Variants in TNKS2 observed in about 807,000 individuals in gnomAD.
The protein encoded by TNKS2 is tankyrase 2, also known as poly [ADP-ribose] polymerase tankyrase-2.
Under a neutral mutation model 137.6 loss-of-function variants are expected in TNKS2, and 72 were observed. The observed-to-expected ratio is 0.52, with a 90% CI of 0.43 to 0.64. The LOEUF (loss-of-function observed/expected upper bound fraction) is 0.64. TNKS2 is among the 30% of genes least tolerant of loss of function. The pLI, the probability that TNKS2 is intolerant of heterozygous loss-of-function variation, is 0.00. For missense variants in TNKS2, 1,049 were observed against 1,410.2 expected (o/e 0.74, Z 4.10); for synonymous variants, 516 against 512.1 (o/e 1.01, Z -0.10).
intron 18 of TNKS2, among the ~76,000 whole-genome samples, chr10:91,847,259 T>G (rs577415058): frequency 6.4e-4 from 97 of 152,322 alleles, no homozygotes; most frequent in African/African-American, 2.3e-3. Flanking sequence ...TGCTGAACAT[T>G]AGTTGAACGT....
intron 11 of TNKS2, among the ~76,000 whole-genome samples, chr10:91,832,311 A>T (rs796749735): frequency 1.7e-4 from 26 of 152,208 alleles, no homozygotes; most frequent in African/African-American, 6.0e-4. Context: ...GAGTTGTGAC[A>T]CTCAATGAAA....
chr10:91,859,508 G>A lies in TNKS2; in HGVS notation c.3141G>A (p.Arg1047=), dbSNP rs1842797476. The change falls in exon 25 of 27, where the codon AGG becomes AGA. Residue 1047 remains arginine (R), a synonymous_variant. Transcript: ENST00000371627. The stretch of plus-strand genomic sequence containing the variant: ...TTATCCACAAAGGCTTTGATGAAAG[G>A]CATGCGTACATAGGTGGTATGTTTG... ...NAIIHKGFDE[R]HAYIGGMFGA... The A allele has an allele frequency of 1.9e-6, 3 of 1,612,984 alleles. No homozygotes were observed. The highest frequency in any genetic ancestry group is 1.7e-5 in the Admixed American group (1 of 59,898).
At chr10:91,827,340 T>C (rs1845100932) in intron 8 of TNKS2, 137 bp downstream of exon 8, 3 of 679,990 alleles carry the variant, frequency 4.4e-6, no homozygotes, top group Non-Finnish European at 6.4e-6. Context: ...TTGTTTAGCA[T>C]ATTTAATAAT....
chr10:91,854,169 T>A (rs1024386340), intron 21 of TNKS2, among the ~76,000 whole-genome samples: 2 of 152,178 alleles, frequency 1.3e-5, no homozygotes, highest in African/African-American at 4.8e-5. Flanking sequence ...TAAAATTACC[T>A]GAGGCTATGC....
chr10:91,809,360 T>C lies in TNKS2; in HGVS notation c.200-3623T>C, dbSNP rs141862523. Among the ~76,000 whole-genome samples, 72 of 152,264 alleles carry C rather than the reference T, an allele frequency of 4.7e-4. No homozygotes were observed. In the East Asian group the frequency reaches 0.014, roughly 29 times the overall value. On this transcript the variant is annotated intron_variant, in intron 1 of 26. Transcript: ENST00000371627. The stretch of plus-strand genomic sequence containing the variant: ...GGGTATACTATCCTAACCAAATCAG[T>C]CTTAATCTTAGCCCTTATCATCTGG...
intron 12 of TNKS2, among the ~76,000 whole-genome samples, chr10:91,835,176 T>C (rs181566984): frequency 2.0e-5 from 3 of 148,620 alleles, no homozygotes; most frequent in East Asian, 4.0e-4. Flanking sequence ...CTCCATTTCC[T>C]CTCTGCCTAC....
chr10:91,845,712 A>G (rs753679334), intron 17 of TNKS2, 40 bp from the exon 18 acceptor site: 1 of 1,392,374 alleles, frequency 7.2e-7, no homozygotes, highest in Non-Finnish European at 9.5e-7. Flanking sequence ...AAGTGTGACA[A>G]AATAATATTT....
chr10:91,798,853 G>T lies in TNKS2; in HGVS notation c.163G>T (p.Ala55Ser). 1.5e-6 allele frequency: 2 copies of T among 1,362,126 alleles called. No homozygotes were observed. The highest frequency in any genetic ancestry group is 1.5e-5 in the African/African-American group (1 of 66,392). 84.4% of individuals were successfully genotyped at this position (1,362,126 alleles called of 1,614,324 possible). A position where few individuals can be genotyped will look rare whatever the true frequency, so the allele number is the denominator to read the frequency against. Residue 55 changes from alanine (A) to serine (S), a missense_variant, in exon 1 of 27, where the codon GCG (alanine) becomes TCG (serine). By Grantham distance (99) the Ala-to-Ser change is moderately conservative. Around this residue, in one of 6 missense-constraint regions of TNKS2, gnomAD observed 374 missense variants for 460.8 expected, o/e 0.81. Coordinates refer to ENST00000371627, the MANE Select transcript of TNKS2 (RefSeq NM_025235.4). The stretch of plus-strand genomic sequence containing the variant: ...TGAGAAGGTGAACAGCCGCGACACG[G>T]CGGGCAGGAAATCCACCCCGCTGCA... ...TPEKVNSRDTAGRKSTPLHFA... is the reference protein window; with the variant it reads ...TPEKVNSRDTSGRKSTPLHFA...
chr10:91,833,619 A>G (rs995834002), intron 11 of TNKS2, among the ~76,000 whole-genome samples: 2 of 152,148 alleles, frequency 1.3e-5, no homozygotes, highest in East Asian at 1.9e-4. Flanking sequence ...GATAAACACA[A>G]TTACTATTCA....
chr10:91,860,123 T>C (rs996719688), intron 25 of TNKS2, among the ~76,000 whole-genome samples: 3 of 152,216 alleles, frequency 2.0e-5, no homozygotes, highest in Non-Finnish European at 4.4e-5. Flanking sequence ...ACATTGATCC[T>C]TTTTGAAAGG....
At chr10:91,819,149 C>T in intron 3 of TNKS2, 121 bp from the exon 4 acceptor site, 1 of 593,090 alleles carries the variant, frequency 1.7e-6, no homozygotes, top group Non-Finnish European at 2.8e-6. Context: ...GAACTATTTT[C>T]CATTTATTGG....
In TNKS2 at chr10:91,803,951, A is replaced by G. The variant is rs141061629; in HGVS notation, c.199+5062A>G. Among the ~76,000 whole-genome samples, 634 of 152,302 alleles carry G rather than the reference A, an allele frequency of 4.2e-3. 4 individuals carry two copies. The highest frequency in any genetic ancestry group is 0.014 in the African/African-American group (589 of 41,552). ...GGGATAGCATTTAGTTAAACTTCCT[A>G]AGAGTCTAAGTTGGTTTCTCTGTAG... On this transcript the variant is annotated intron_variant, in intron 1 of 26. Coordinates refer to ENST00000371627, the MANE Select transcript of TNKS2 (RefSeq NM_025235.4).
chr10:91,798,745 G>T lies in TNKS2; in HGVS notation c.55G>T (p.Glu19Ter). The change falls in exon 1 of 27, where the codon GAG becomes TAG. Residue 19 changes from glutamate (E) to a stop codon, truncating the protein, a stop_gained. Coordinates refer to ENST00000371627, the MANE Select transcript of TNKS2 (RefSeq NM_025235.4). LOFTEE classifies it high-confidence loss of function. ...AGCGGCCTGCGCGAGCGCCGCGGCCGAGGCCGTGGAGCCGGCCGCCCGAGA... is the reference window on the plus strand; with the variant it reads ...AGCGGCCTGCGCGAGCGCCGCGGCCTAGGCCGTGGAGCCGGCCGCCCGAGA... ...GGAACASAAA[E>*]AVEPAARELF... 3 of 1,249,008 alleles carry T rather than the reference G, an allele frequency of 2.4e-6. No individual in the cohort carries two copies. Among genetic ancestry groups the T allele is most frequent in the Non-Finnish European group, 3.0e-6 (3 of 991,476 alleles). 77.4% of individuals were successfully genotyped at this position (1,249,008 alleles called of 1,614,324 possible).
intron 11 of TNKS2, among the ~76,000 whole-genome samples, chr10:91,833,211 A>G (rs145848633): frequency 6.6e-6 from 1 of 152,334 alleles, no homozygotes; most frequent in African/African-American, 2.4e-5. Flanking sequence ...CTCCACTTTG[A>G]CAGATAACCA....
rs1842915729 is a variant in TNKS2, at chr10:91,863,931, AG to A, written c.*935del. ...AGGATGTTACATTTCCAGGGTGGGA[AG>A]GGTAATCCTAAATCATTTCCCAATC... is the stretch of plus-strand genomic sequence containing the variant. On this transcript the variant is annotated 3_prime_UTR_variant, in exon 27 of 27. Transcript: ENST00000371627. 4 of 152,250 alleles carry A rather than the reference AG, an allele frequency of 2.6e-5. No individual in the cohort carries two copies. The South Asian group carries it at 6.2e-4, about 24-fold the overall frequency. 9.4% of individuals were successfully genotyped at this position (152,250 alleles called of 1,614,324 possible).
chr10:91,842,189 A>C lies in TNKS2; in HGVS notation c.1857A>C (p.Thr619=), dbSNP rs758436354. 13 of 1,596,596 alleles carry C rather than the reference A, an allele frequency of 8.1e-6. No homozygotes were observed. In the South Asian group the frequency reaches 1.2e-4, roughly 15 times the overall value. Residue 619 remains threonine, a synonymous_variant, in exon 16 of 27, where the codon ACA becomes ACC. Coordinates refer to ENST00000371627, the MANE Select transcript of TNKS2 (RefSeq NM_025235.4). Reference sequence around the variant, plus strand: ...ATGCCTAGCATGGTGCAGACCCTACAAAAAAAAACAGGGATGGAAATACTC... The same window carrying C: ...ATGCCTAGCATGGTGCAGACCCTACCAAAAAAAACAGGGATGGAAATACTC... ...KLLLQHGADP[T]KKNRDGNTPL...
At chr10:91,856,404 A>G (rs1372474778) in intron 23 of TNKS2, among the ~76,000 whole-genome samples, 1 of 152,216 alleles carries the variant, frequency 6.6e-6, no homozygotes, top group African/African-American at 2.4e-5. Context: ...GAACAGTATC[A>G]AATCTTTCAG....
chr10:91,845,643 C>T lies in TNKS2; in HGVS notation c.2170-109C>T, dbSNP rs553839419. ...GGAGAAAGAGTTTTTCTTTTCATTT[C>T]CAGAATAAGTTTGAAAATGTGGAAG... is the stretch of plus-strand genomic sequence containing the variant. On this transcript the variant is annotated intron_variant, in intron 17 of 26. Transcript: ENST00000371627. 4 of 899,950 alleles carry T rather than the reference C, an allele frequency of 4.4e-6. No individual in the cohort carries two copies. The East Asian group carries it at 1.1e-4, about 26-fold the overall frequency. 55.7% of individuals were successfully genotyped at this position (899,950 alleles called of 1,614,324 possible).
chr10:91,818,548 G>A (rs1044152329), intron 3 of TNKS2, among the ~76,000 whole-genome samples: 6 of 152,086 alleles, frequency 3.9e-5, no homozygotes, highest in African/African-American at 1.4e-4. Flanking sequence ...GTGCATGTGT[G>A]TGTATCAAGG....
Sources: gnomAD v4.1 joint callset for allele counts (sites outside exome capture counted in the v4.1 genomes callset) on GRCh38, gnomAD v4.1.1 for gene constraint, gnomAD v4.1.1 regional missense constraint, MANE v1.5 for transcripts, NCBI Gene and HGNC (gene_info 2026-07-23, HGNC 2026-07-21) for gene names.